GPATCH2L: variants seen among roughly 807,000 people sequenced by gnomAD.
GPATCH2L encodes G-patch domain containing 2 like.
A neutral mutation model predicts 57.4 loss-of-function variants in GPATCH2L; 31 were observed. The ratio of observed to expected loss-of-function variants is 0.54; its 90% CI spans 0.41 to 0.73. GPATCH2L has a LOEUF of 0.73. Among genes scored for constraint, GPATCH2L ranks in the 30% least tolerant of loss-of-function variants. The pLI, the probability that GPATCH2L is intolerant of heterozygous loss-of-function variation, is 0.00. For synonymous variants in GPATCH2L, 199 were observed against 210.7 expected (o/e 0.94, Z 0.48); for missense variants, 481 against 599.9 (o/e 0.80, Z 2.07).
rs763232571 is a variant in GPATCH2L, at chr14:76,154,533, A to G, written c.170A>G (p.His57Arg). ...TCTGACTTCACTCACCTGGCAGAGC[A>G]TACCTGCTGCTACAGCGAGGCCTCT... ...RRSDFTHLAE[H>R]TCCYSEASES... The change falls in exon 2 of 10, where the codon CAT (histidine) becomes CGT (arginine). Residue 57 changes from histidine to arginine, a missense_variant. Physicochemically the swap from His to Arg is conservative, Grantham distance 29. Coordinates refer to ENST00000261530, the MANE Select transcript of GPATCH2L (RefSeq NM_017926.4). The surrounding 1 kb of genome is among the most constrained non-coding windows in gnomAD (Gnocchi z 4.4). 2.5e-6 allele frequency: 4 copies of G among 1,614,220 alleles called. No individual in the cohort carries two copies. Among genetic ancestry groups the G allele is most frequent in the Middle Eastern group, 1.7e-4 (1 of 6,060 alleles).
intron 9 of GPATCH2L, among the ~76,000 whole-genome samples, chr14:76,200,201 G>T (rs926101324): frequency 6.6e-6 from 1 of 152,154 alleles, no homozygotes; most frequent in African/African-American, 2.4e-5. Flanking sequence ...TGTTTAATGG[G>T]TACAGAGTTT....
At chr14:76,163,458 A>G (rs1258229759) in intron 2 of GPATCH2L, among the ~76,000 whole-genome samples, 1 of 152,150 alleles carries the variant, frequency 6.6e-6, no homozygotes, top group Non-Finnish European at 1.5e-5. Context: ...TCTCTTTTGG[A>G]TGAATCCCAG....
At chr14:76,155,105 A>C (rs1594898837) in intron 2 of GPATCH2L, 80 bp downstream of exon 2, 53 of 1,154,872 alleles carry the variant, frequency 4.6e-5, no homozygotes, top group Admixed American at 1.0e-4. Flanking sequence ...AGTGGGTTCT[A>C]CCTTCTTTCA....
chr14:76,182,415 T>C (rs1300777085), intron 8 of GPATCH2L, among the ~76,000 whole-genome samples: 1 of 109,014 alleles, frequency 9.2e-6, no homozygotes, highest in East Asian at 3.1e-4. Flanking sequence ...ACCTTGTTTC[T>C]ACAAAATTTT....
At chr14:76,195,380 T>C (rs1328622747) in intron 8 of GPATCH2L, among the ~76,000 whole-genome samples, 2 of 152,168 alleles carry the variant, frequency 1.3e-5, no homozygotes, top group African/African-American at 4.8e-5. Flanking sequence ...ATAATTAATA[T>C]TTTTAAAAGT....
intron 2 of GPATCH2L, among the ~76,000 whole-genome samples, chr14:76,233,145 G>T (rs2040582129): frequency 6.6e-6 from 1 of 152,124 alleles, no homozygotes; most frequent in African/African-American, 2.4e-5. Context: ...CCATTTTGAG[G>T]GTCAATTCTT....
At chr14:76,198,578 G>A (rs1018766316) in intron 9 of GPATCH2L, among the ~76,000 whole-genome samples, 1 of 152,162 alleles carries the variant, frequency 6.6e-6, no homozygotes, top group East Asian at 1.9e-4. Flanking sequence ...AGCTATTTGT[G>A]TGAGTATATT....
intron 6 of GPATCH2L, 123 bp from the exon 7 acceptor site, chr14:76,177,865 T>C (rs1393994636): frequency 6.8e-7 from 1 of 1,479,646 alleles, no homozygotes; most frequent in South Asian, 1.2e-5. Context: ...ATTGTTTTCT[T>C]TCCTGTTATT....
intron 6 of GPATCH2L, among the ~76,000 whole-genome samples, chr14:76,177,487 A>T (rs1253675284): frequency 1.3e-5 from 2 of 151,620 alleles, no homozygotes; most frequent in African/African-American, 2.4e-5. Context: ...TGTATGCATC[A>T]TGGTCAGTAC....
intron 2 of GPATCH2L, among the ~76,000 whole-genome samples, chr14:76,162,459 C>T (rs1261738306): frequency 6.6e-6 from 1 of 152,142 alleles, no homozygotes; most frequent in Admixed American, 6.5e-5. Context: ...CTGCCGTGTG[C>T]GATCAGTTAT....
chr14:76,219,768 G>A (rs1326025072), intron 1 of GPATCH2L, among the ~76,000 whole-genome samples: 8 of 152,128 alleles, frequency 5.3e-5, no homozygotes, highest in East Asian at 3.8e-4. Context: ...TATACAAGTC[G>A]TTCTGAAAGA....
At chr14:76,200,385 T>C (rs560159913) in intron 9 of GPATCH2L, among the ~76,000 whole-genome samples, 1 of 152,344 alleles carries the variant, frequency 6.6e-6, no homozygotes, top group Non-Finnish European at 1.5e-5. Context: ...GTAGTGCTTT[T>C]TTCACTGCAG....
At chr14:76,198,761 T>C (rs1340222465) in intron 9 of GPATCH2L, among the ~76,000 whole-genome samples, 2 of 150,122 alleles carry the variant, frequency 1.3e-5, no homozygotes, top group Non-Finnish European at 3.0e-5. Context: ...TTGTCAAATG[T>C]ATTGTCAGAT....
rs542484394 is a variant in GPATCH2L at position 76,214,251 on chromosome 14, G to T, written c.*12400G>T. 6.6e-6 allele frequency: 1 copy of T among 152,208 alleles called. No homozygotes were observed. The highest frequency in any genetic ancestry group is 2.4e-5 in the African/African-American group (1 of 41,524). The allele number at this position is 152,208 out of a possible 1,614,324, so 9.4% of individuals were successfully genotyped here. A position where few individuals can be genotyped will look rare whatever the true frequency, so the allele number is the denominator to read the frequency against. On this transcript the variant is annotated 3_prime_UTR_variant, in exon 10 of 10. Transcript: ENST00000261530. ...ATTTCCATTTATTCAAGTCTATTTT[G>T]TGCCTTTTAGCAGTGTTTTAAAATT...
downstream of GPATCH2L, among the ~76,000 whole-genome samples, chr14:76,215,374 T>C (rs1046221724): frequency 1.3e-5 from 2 of 152,042 alleles, no homozygotes; most frequent in African/African-American, 4.8e-5. Context: ...CTCAGGGATC[T>C]AGAACTAGAA....
At chr14:76,231,497 T>C (rs1406920894) in intron 2 of GPATCH2L, among the ~76,000 whole-genome samples, 2 of 152,094 alleles carry the variant, frequency 1.3e-5, no homozygotes, top group East Asian at 3.9e-4. Context: ...TCTCTTTCTT[T>C]CCTTTTGGTG....
intron 9 of GPATCH2L, among the ~76,000 whole-genome samples, chr14:76,200,943 A>G (rs912049364): frequency 8.5e-5 from 13 of 152,158 alleles, no homozygotes; most frequent in African/African-American, 2.2e-4. Context: ...GCATTTGGAA[A>G]TGTGAAGTAA....
Position 76,154,393 on chromosome 14 carries a change from A to C in GPATCH2L, c.30A>C (p.Ser10=). MDELVHDLA[S]ALEQTSEQNK... ...ATGAGCTGGTACACGACTTAGCCTC[A>C]GCCTTGGAGCAGACATCTGAGCAGA... is the stretch of plus-strand genomic sequence containing the variant. The change falls in exon 2 of 10, where the codon TCA becomes TCC. Residue 10 remains serine (S), a synonymous_variant. Coordinates refer to ENST00000261530, the MANE Select transcript of GPATCH2L (RefSeq NM_017926.4). This position sits in a 1 kb window ranked among gnomAD's most constrained non-coding sequence, Gnocchi z 4.4. 1 of 1,604,294 alleles carries C rather than the reference A, an allele frequency of 6.2e-7. No homozygotes were observed. The highest frequency in any genetic ancestry group is 8.5e-7 in the Non-Finnish European group (1 of 1,171,806).
At chr14:76,155,603 A>G (rs551402565) in intron 2 of GPATCH2L, among the ~76,000 whole-genome samples, 4 of 152,344 alleles carry the variant, frequency 2.6e-5, no homozygotes, top group South Asian at 4.1e-4. Flanking sequence ...ACCGAGTCCC[A>G]TTAGTCTTAC....
Sources: gnomAD v4.1 joint callset for allele counts (sites outside exome capture counted in the v4.1 genomes callset) on GRCh38, gnomAD v4.1.1 for gene constraint, Gnocchi (gnomAD v3.1) non-coding constraint, MANE v1.5 for transcripts, NCBI Gene and HGNC (gene_info 2026-07-23, HGNC 2026-07-21) for gene names.